The following ARMC6 variants were observed in gnomAD, a reference collection of about 807,000 sequenced individuals.
ARMC6 encodes the protein armadillo repeat-containing protein 6.
A neutral mutation model predicts 49.2 loss-of-function variants in ARMC6; 43 were observed. The ratio of observed to expected loss-of-function variants is 0.87; its 90% CI spans 0.69 to 1.13. The LOEUF is 1.13. ARMC6 is among the 50% of genes most tolerant of loss of function. The probability of loss-of-function intolerance (pLI) is 0.00; values close to 1 mark genes in which losing one functional copy is unlikely to be tolerated. For synonymous variants in ARMC6, 262 were observed against 289.6 expected, an observed-to-expected ratio of 0.90 and a Z score of 0.97; for missense variants, 627 against 682.0, an observed-to-expected ratio of 0.92 and a Z score of 0.90.
In ARMC6 at chr19:19,057,909, G is replaced by T; in HGVS notation, c.*281G>T. ...CCCAGCCCCACGCCCTACCAGAGGGGGCAAAGGGCACGTCCCATCACTCAC... is the reference window on the plus strand; with the variant it reads ...CCCAGCCCCACGCCCTACCAGAGGGTGCAAAGGGCACGTCCCATCACTCAC... On this transcript the variant is annotated 3_prime_UTR_variant, in exon 9 of 9. Coordinates refer to ENST00000535612, the MANE Select transcript of ARMC6 (RefSeq NM_001199196.2). 5.4e-6 allele frequency: 3 copies of T among 555,034 alleles called. No homozygotes were observed. The highest frequency in any genetic ancestry group is 3.7e-5 in the South Asian group (2 of 53,842). The allele number at this position is 555,034 out of a possible 1,614,324, so 34.4% of individuals were successfully genotyped here. A position where few individuals can be genotyped will look rare whatever the true frequency, so the allele number is the denominator to read the frequency against.
At chr19:19,052,816 C>T (rs1310004642) in intron 5 of ARMC6, among the ~76,000 whole-genome samples, 3 of 152,188 alleles carry the variant, frequency 2.0e-5, no homozygotes, top group Non-Finnish European at 4.4e-5. Flanking sequence ...TGTGGCCAGG[C>T]CTGTGTGGGG....
chr19:19,033,901 C>T lies in ARMC6; in HGVS notation c.-109C>T. The T allele has an allele frequency of 2.5e-6, 1 of 398,854 alleles. No individual in the cohort carries two copies. The highest frequency in any genetic ancestry group is 4.5e-6 in the Non-Finnish European group (1 of 220,368). 24.7% of individuals were successfully genotyped at this position (398,854 alleles called of 1,614,324 possible). A position where few individuals can be genotyped will look rare whatever the true frequency, so the allele number is the denominator to read the frequency against. ...CTCCCTGGGTGACAACCGCGCGCCCCACCTTTCCCCACGTGGCCGCGAAGA... is the reference window on the plus strand; with the variant it reads ...CTCCCTGGGTGACAACCGCGCGCCCTACCTTTCCCCACGTGGCCGCGAAGA... On this transcript the variant is annotated 5_prime_UTR_variant, in exon 1 of 9. Transcript: ENST00000535612.
intron 8 of ARMC6, 67 bp from the exon 9 acceptor site, chr19:19,057,349 C>A: frequency 7.3e-7 from 1 of 1,369,652 alleles, no homozygotes. Flanking sequence ...ATGATGAAGA[C>A]CCTGAGGTCA....
chr19:19,056,839 C>T (rs1341757880), intron 8 of ARMC6, among the ~76,000 whole-genome samples: 1 of 152,222 alleles, frequency 6.6e-6, no homozygotes, highest in African/African-American at 2.4e-5. Context: ...CTGGCTCTTA[C>T]TCTGGGACAC....
chr19:19,057,621 C>T lies in ARMC6; in HGVS notation c.1499C>T (p.Ala500Val), dbSNP rs1029406116. 1.1e-5 allele frequency: 17 copies of T among 1,612,066 alleles called. No individual in the cohort carries two copies. Among genetic ancestry groups the T allele is most frequent in the Middle Eastern group, 1.7e-4 (1 of 6,060 alleles). Residue 500 changes from alanine (A) to valine (V), a missense_variant, in exon 9 of 9, where the codon GCG (alanine) becomes GTG (valine). Transcript: ENST00000535612. ...TGGACAGGCCAGAGGGGCAACCTGG[C>T]GCCATGACCCCAGGCCCAGTCTGGG... ...ELWTGQRGNL[A>V]P
At chr19:19,053,169 A>G (rs2059513149) in intron 5 of ARMC6, among the ~76,000 whole-genome samples, 1 of 152,150 alleles carries the variant, frequency 6.6e-6, no homozygotes, top group Admixed American at 6.5e-5. Flanking sequence ...TCCCATTCAC[A>G]TTGTTCAAGG....
chr19:19,047,270 C>G (rs990760313), intron 4 of ARMC6, among the ~76,000 whole-genome samples: 2 of 152,102 alleles, frequency 1.3e-5, no homozygotes, highest in Non-Finnish European at 2.9e-5. Flanking sequence ...GCGGTCAGTT[C>G]GCAACTGAAC....
intron 2 of ARMC6, chr19:19,037,696 G>A: frequency 8.7e-7 from 1 of 1,146,024 alleles, no homozygotes; most frequent in Non-Finnish European, 1.1e-6. Flanking sequence ...TGATATTACT[G>A]CAATAAGCAA....
In ARMC6 at chr19:19,057,553, C is replaced by T. The variant is rs762144965; in HGVS notation, c.1431C>T (p.Ala477=). 15 of 1,613,474 alleles carry T rather than the reference C, an allele frequency of 9.3e-6. 1 individual carries two copies. In the South Asian group the frequency reaches 9.9e-5, roughly 11 times the overall value. The part of the protein sequence containing the change: ...AHRDCEDVAK[A]ALRDLGCHVE... Reference sequence around the variant, plus strand: ...GTGACTGTGAGGACGTGGCCAAGGCCGCCCTGCGGGACCTGGGTTGTCATG... The same window carrying T: ...GTGACTGTGAGGACGTGGCCAAGGCTGCCCTGCGGGACCTGGGTTGTCATG... Residue 477 remains alanine (A), a synonymous_variant, in exon 9 of 9, where the codon GCC becomes GCT. Transcript: ENST00000535612.
At chr19:19,037,053 G>T (rs2059375333) in intron 2 of ARMC6, among the ~76,000 whole-genome samples, 1 of 152,196 alleles carries the variant, frequency 6.6e-6, no homozygotes, top group African/African-American at 2.4e-5. Context: ...GGGCGTGGTG[G>T]CGTGGGCCTG....
chr19:19,052,162 A>G lies in ARMC6; in HGVS notation c.820A>G (p.Lys274Glu), dbSNP rs143492615. 28 of 1,611,520 alleles carry G rather than the reference A, an allele frequency of 1.7e-5. No homozygotes were observed. In the African/African-American group the frequency reaches 2.5e-4, roughly 15 times the overall value. ...TGCCAAGATGATTGTGCAGGAGAAC[A>G]AAGGCTTGAAGGTGCTCATCGAAGC... ...NHAKMIVQEN[K>E]GLKVLIEATK... The change falls in exon 5 of 9, where the codon AAA (lysine) becomes GAA (glutamate). Residue 274 changes from lysine to glutamate, a missense_variant. Lys to Glu is a moderately conservative substitution (Grantham distance 56, BLOSUM62 1). Transcript: ENST00000535612.
At chr19:19,050,032 A>T (rs1238207478) in intron 4 of ARMC6, among the ~76,000 whole-genome samples, 2 of 151,886 alleles carry the variant, frequency 1.3e-5, no homozygotes, top group Non-Finnish European at 2.9e-5. Flanking sequence ...TAAAAAAAAA[A>T]ATTTTTTTTA....
At chr19:19,048,756 G>T (rs1477413131) in intron 4 of ARMC6, among the ~76,000 whole-genome samples, 1 of 152,196 alleles carries the variant, frequency 6.6e-6, no homozygotes, top group Admixed American at 6.5e-5. Context: ...AATCTCTGTA[G>T]AATGTAGCTT....
intron 5 of ARMC6, among the ~76,000 whole-genome samples, chr19:19,052,685 C>A (rs539970014): frequency 6.6e-6 from 1 of 152,114 alleles, no homozygotes; most frequent in South Asian, 2.1e-4. Flanking sequence ...GACCCTAAAG[C>A]TTCTGTCTTA....
rs752287594 is a variant in ARMC6, at chr19:19,057,793, G to A, written c.*165G>A. ...GTCGGGGGAGGGGGGAGCCTTGTAG[G>A]GAGGCCTCTACACAGAAGAAAGCAG... On this transcript the variant is annotated 3_prime_UTR_variant, in exon 9 of 9. Transcript: ENST00000535612. 1.6e-5 allele frequency: 13 copies of A among 823,904 alleles called. No individual in the cohort carries two copies. Among genetic ancestry groups the A allele is most frequent in the Non-Finnish European group, 2.5e-5 (12 of 475,196 alleles). The allele number at this position is 823,904 out of a possible 1,614,324, so 51.0% of individuals were successfully genotyped here. A position where few individuals can be genotyped will look rare whatever the true frequency, so the allele number is the denominator to read the frequency against.
chr19:19,056,855 C>T (rs1045610950), intron 8 of ARMC6, among the ~76,000 whole-genome samples: 9 of 152,218 alleles, frequency 5.9e-5, no homozygotes, highest in Non-Finnish European at 1.3e-4. Context: ...GACACTGACC[C>T]TTACCTGGTC....
intron 2 of ARMC6, among the ~76,000 whole-genome samples, chr19:19,038,066 C>T (rs1209295820): frequency 6.6e-6 from 1 of 152,196 alleles, no homozygotes; most frequent in Non-Finnish European, 1.5e-5. Context: ...AGCACGAACC[C>T]TACTGTGAAC....
chr19:19,044,136 C>A, intron 4 of ARMC6, 62 bp downstream of exon 4: 2 of 1,499,794 alleles, frequency 1.3e-6, no homozygotes, highest in South Asian at 2.3e-5. Context: ...CACCTCTTCC[C>A]TGTTTCCTGG....
In ARMC6 at chr19:19,055,928, G is replaced by C. The variant is rs757342971; in HGVS notation, c.1293G>C (p.Gln431His). 6.2e-7 allele frequency: 1 copy of C among 1,607,666 alleles called. No homozygotes were observed. Among genetic ancestry groups the C allele is most frequent in the South Asian group, 1.1e-5 (1 of 90,858 alleles). The change falls in exon 8 of 9, where the codon CAG (glutamine) becomes CAC (histidine). Residue 431 changes from glutamine to histidine, a missense_variant and splice_region_variant. Coordinates refer to ENST00000535612, the MANE Select transcript of ARMC6 (RefSeq NM_001199196.2). The surrounding 1 kb of genome is among the most constrained non-coding windows in gnomAD (Gnocchi z 5.7). ...MKAHPQKAGV[Q>H]KQACMLIRNL... ...CACACCCGCAGAAGGCCGGCGTGCA[G>C]GTGGGCAGGGCAGGGGATGGGGGCA...
Sources: allele counts gnomAD v4.1 joint callset (sites outside exome capture counted in the v4.1 genomes callset), GRCh38; gene constraint gnomAD v4.1.1; non-coding constraint Gnocchi (gnomAD v3.1); transcripts MANE v1.5; gene names NCBI Gene and HGNC (gene_info 2026-07-23, HGNC 2026-07-21).